CPN1: variants seen among roughly 807,000 people sequenced by gnomAD.
The protein encoded by CPN1 is carboxypeptidase N subunit 1.
A neutral mutation model predicts 46.4 loss-of-function variants in CPN1; 37 were observed. That is an observed-to-expected ratio of 0.80 (90% CI 0.61 to 1.05). The LOEUF (loss-of-function observed/expected upper bound fraction) is 1.05. Among genes scored for constraint, CPN1 ranks in the 50% least tolerant of loss-of-function variants. CPN1 has a pLI of 0.00. For synonymous variants in CPN1, 224 were observed against 235.4 expected, an observed-to-expected ratio of 0.95 and a Z score of 0.44; for missense variants, 563 against 602.6, an observed-to-expected ratio of 0.93 and a Z score of 0.69.
chr10:100,065,138 C>T, intron 4 of CPN1, 50 bp downstream of exon 4: 1 of 1,592,972 alleles, frequency 6.3e-7, no homozygotes, highest in Non-Finnish European at 8.6e-7. Flanking sequence ...CTTAAGCTCA[C>T]CTCCTGAGCC....
intron 2 of CPN1, among the ~76,000 whole-genome samples, chr10:100,072,534 TC>T (rs1430165322): frequency 1.3e-5 from 2 of 152,090 alleles, no homozygotes; most frequent in Non-Finnish European, 2.9e-5. Flanking sequence ...AACTCACTCC[TC>T]CCCCCTTCAA....
At chr10:100,075,390 A>T (rs2041508170) in intron 2 of CPN1, among the ~76,000 whole-genome samples, 2 of 152,236 alleles carry the variant, frequency 1.3e-5, no homozygotes, top group Admixed American at 1.3e-4. Flanking sequence ...AGTAGAGGAA[A>T]CAACTCTATG....
rs1173069437 is a variant in CPN1 at position 100,070,005 on chromosome 10, C to T, written c.421-136G>A. On this transcript the variant is annotated intron_variant, in intron 2 of 8. Coordinates refer to ENST00000370418, the MANE Select transcript of CPN1 (RefSeq NM_001308.3). The stretch of plus-strand genomic sequence containing the variant: ...TGGTACAATCTTGGCTTACTGCAAC[C>T]TCTACCTACTGGGCTCAAGCAATCC... 6.3e-6 allele frequency: 6 copies of T among 946,340 alleles called. No homozygotes were observed. The South Asian group carries it at 7.3e-5, about 12-fold the overall frequency. The allele number at this position is 946,340 out of a possible 1,614,324, so 58.6% of individuals were successfully genotyped here.
At chr10:100,053,490 T>C (rs2041367208) in intron 7 of CPN1, among the ~76,000 whole-genome samples, 1 of 151,930 alleles carries the variant, frequency 6.6e-6, no homozygotes, top group South Asian at 2.1e-4. Flanking sequence ...TCAGATGTGG[T>C]GTTGCATGCT....
chr10:100,056,465 A>C (rs1424365717), intron 6 of CPN1, among the ~76,000 whole-genome samples: 1 of 152,168 alleles, frequency 6.6e-6, no homozygotes, highest in Non-Finnish European at 1.5e-5. Flanking sequence ...TCCTCACTAG[A>C]AGGTAAGTTC....
At chr10:100,051,937 TC>T (rs2041356751) in intron 7 of CPN1, among the ~76,000 whole-genome samples, 1 of 149,776 alleles carries the variant, frequency 6.7e-6, no homozygotes. Flanking sequence ...AGAGTCTCAC[TC>T]TGCCCAGGCT....
intron 2 of CPN1, among the ~76,000 whole-genome samples, chr10:100,072,154 T>C (rs1440011889): frequency 1.3e-5 from 2 of 152,122 alleles, no homozygotes; most frequent in Non-Finnish European, 2.9e-5. Context: ...GCTAAGTCCA[T>C]GTTTAACTGT....
In CPN1 at chr10:100,054,362, G is replaced by C; in HGVS notation, c.1096C>G (p.His366Asp). ...NAVISVSGINHDVTSGDHGDY... is the reference protein window; with the variant it reads ...NAVISVSGINDDVTSGDHGDY... Reference sequence around the variant, plus strand: ...GACCACCTACCTGAAGTGACATCATGGTTAATCCCACTGACAGAAATGACA... The same window carrying C: ...GACCACCTACCTGAAGTGACATCATCGTTAATCCCACTGACAGAAATGACA... Residue 366 changes from histidine to aspartate, a missense_variant, in exon 7 of 9, where the codon CAT (histidine) becomes GAT (aspartate). Coordinates refer to ENST00000370418, the MANE Select transcript of CPN1 (RefSeq NM_001308.3). The C allele has an allele frequency of 6.2e-7, 1 of 1,613,502 alleles. No homozygotes were observed. Among genetic ancestry groups the C allele is most frequent in the Non-Finnish European group, 8.5e-7 (1 of 1,179,552 alleles).
At chr10:100,079,540 G>A (rs1345420402) in intron 1 of CPN1, among the ~76,000 whole-genome samples, 1 of 152,230 alleles carries the variant, frequency 6.6e-6, no homozygotes, top group Non-Finnish European at 1.5e-5. Context: ...ACACTCACGA[G>A]CTTCCACAGT....
In CPN1 at chr10:100,042,575, T is replaced by G; in HGVS notation, c.1231-2A>C. The G allele has an allele frequency of 6.2e-7, 1 of 1,613,830 alleles. No homozygotes were observed. Among genetic ancestry groups the G allele is most frequent in the Non-Finnish European group, 8.5e-7 (1 of 1,179,978 alleles). On this transcript the variant is annotated splice_acceptor_variant, in intron 8 of 8. Transcript: ENST00000370418. LOFTEE classifies it high-confidence loss of function. ...GCTTCTTTTGAGGTGGAAGTTAACC[T>G]GGAAGAAAAAAAGCAGGAGCTACGA... is the stretch of plus-strand genomic sequence containing the variant.
At chr10:100,042,901 G>A (rs1040591842) in intron 8 of CPN1, among the ~76,000 whole-genome samples, 5 of 151,736 alleles carry the variant, frequency 3.3e-5, no homozygotes, top group East Asian at 1.9e-4. Flanking sequence ...AGACCACACC[G>A]GGCAATATGG....
At chr10:100,051,125 G>C (rs1252038028) in intron 7 of CPN1, among the ~76,000 whole-genome samples, 1 of 152,096 alleles carries the variant, frequency 6.6e-6, no homozygotes, top group Non-Finnish European at 1.5e-5. Flanking sequence ...AGTGCATTTT[G>C]GCTAATGACT....
Position 100,055,003 on chromosome 10 carries a change from C to A in CPN1, c.1012-557G>T, listed in dbSNP as rs56876123. Among the ~76,000 whole-genome samples the A allele has an allele frequency of 3.4e-3, 511 of 151,872 alleles. 5 individuals are homozygous for A. The highest frequency in any genetic ancestry group is 0.012 in the African/African-American group (492 of 41,436). On this transcript the variant is annotated intron_variant, in intron 6 of 8. Transcript: ENST00000370418. ...CTGTAATTCCAGCACTTTGGGAGGCCGAGGTGGGCGGATCACCTGAGGTCA... is the reference window on the plus strand; with the variant it reads ...CTGTAATTCCAGCACTTTGGGAGGCAGAGGTGGGCGGATCACCTGAGGTCA...
chr10:100,062,642 G>A (rs2034129234), intron 5 of CPN1, among the ~76,000 whole-genome samples: 1 of 148,834 alleles, frequency 6.7e-6, no homozygotes. Context: ...AGGCTGGAGT[G>A]CAGTGGTGCA....
At chr10:100,059,955 T>G (rs2041407437) in intron 5 of CPN1, among the ~76,000 whole-genome samples, 1 of 152,184 alleles carries the variant, frequency 6.6e-6, no homozygotes, top group African/African-American at 2.4e-5. Flanking sequence ...GGATGAACTT[T>G]GAGGACATTA....
At chr10:100,061,505 T>TACCTAATAA (rs2041417658) in intron 5 of CPN1, among the ~76,000 whole-genome samples, 1 of 152,222 alleles carries the variant, frequency 6.6e-6, no homozygotes, top group African/African-American at 2.4e-5. Context: ...AGGTACGAGG[T>TACCTAATAA]GGGGTACCAC....
In CPN1 at chr10:100,076,016, C is replaced by T. The variant is rs1392289411; in HGVS notation, c.315G>A (p.Glu105=). Residue 105 remains glutamate (E), a synonymous_variant, in exon 2 of 9, where the codon GAG becomes GAA. Transcript: ENST00000370418. ...TGCGCTGGTTCCTGTTCCGGAACTC[C>T]TCGCACAGAAACTCCGACAGCTGCA... ...LMLQLSEFLC[E]EFRNRNQRIV... is the part of the protein sequence containing the mutation. The T allele has an allele frequency of 6.2e-7, 1 of 1,614,174 alleles. No homozygotes were observed. Among genetic ancestry groups the T allele is most frequent in the Non-Finnish European group, 8.5e-7 (1 of 1,180,046 alleles).
chr10:100,076,428 A>T (rs2041515772), intron 1 of CPN1, among the ~76,000 whole-genome samples: 1 of 152,150 alleles, frequency 6.6e-6, no homozygotes, highest in Admixed American at 6.5e-5. Flanking sequence ...AGGATGGGAG[A>T]GGTTAAGTAA....
chr10:100,079,823 G>A (rs1025835488), intron 1 of CPN1, among the ~76,000 whole-genome samples: 1 of 152,178 alleles, frequency 6.6e-6, no homozygotes, highest in Admixed American at 6.6e-5. Context: ...GGTGGCTCAC[G>A]CCTGTAATCC....
Sources: gnomAD v4.1 joint callset for allele counts (sites outside exome capture counted in the v4.1 genomes callset) on GRCh38, gnomAD v4.1.1 for gene constraint, MANE v1.5 for transcripts, NCBI Gene and HGNC (gene_info 2026-07-23, HGNC 2026-07-21) for gene names.